Variants in MAP3K4 observed in about 807,000 individuals in gnomAD.
MAP3K4 encodes the protein mitogen-activated protein kinase kinase kinase 4, also known as MAP three kinase 1.
In MAP3K4, 67 loss-of-function variants were observed where a neutral mutation model predicts 185.6. The ratio of observed to expected loss-of-function variants is 0.36; its 90% CI spans 0.30 to 0.44. The LOEUF is 0.44. Among genes scored for constraint, MAP3K4 ranks in the 20% least tolerant of loss-of-function variants. MAP3K4 has a pLI of 1.00. For synonymous variants in MAP3K4, 702 were observed against 710.4 expected (o/e 0.99, Z 0.19); for missense variants, 1,551 against 1,995.1 (o/e 0.78, Z 4.24).
rs1783084399 is a variant in MAP3K4, at chr6:161,034,718, T to C, written c.343+269T>C. Among the ~76,000 whole-genome samples the C allele has an allele frequency of 6.6e-6, 1 of 152,162 alleles. No individual in the cohort carries two copies. Among genetic ancestry groups the C allele is most frequent in the Admixed American group, 6.5e-5 (1 of 15,268 alleles). ...AGAGGGCAAATGTTTCCCAGTGTAC[T>C]AATACAAGATGGCAACTGGTTACAT... On this transcript the variant is annotated intron_variant, in intron 2 of 26. Transcript: ENST00000392142. This position sits in a 1 kb window ranked among gnomAD's most constrained non-coding sequence, Gnocchi z 4.4.
At position 161,053,393 on chromosome 6, in the gene MAP3K4, A is replaced by G. The variant is rs1347783223; in HGVS notation, c.1707+3414A>G. 2.6e-5 allele frequency among the ~76,000 whole-genome samples: 4 copies of G among 152,232 alleles called. No individual in the cohort carries two copies. Among genetic ancestry groups the G allele is most frequent in the Non-Finnish European group, 4.4e-5 (3 of 68,034 alleles). On this transcript the variant is annotated intron_variant, in intron 3 of 26. Transcript: ENST00000392142. The surrounding 1 kb of genome is among the most constrained non-coding windows in gnomAD (Gnocchi z 4.2). The stretch of plus-strand genomic sequence containing the variant: ...ACAGATCCACATCTTATCAAATGGT[A>G]AAATGCTCTACAAATCAACCATAAA...
intron 11 of MAP3K4, among the ~76,000 whole-genome samples, chr6:161,090,880 C>T (rs1330986325): frequency 6.6e-6 from 1 of 152,184 alleles, no homozygotes. Flanking sequence ...CCACTTTTTC[C>T]TCCAAATTTT....
rs781400455 is a variant in MAP3K4 at position 161,022,381 on chromosome 6, A to T, written c.153-11878A>T. On this transcript the variant is annotated intron_variant, in intron 1 of 26. Coordinates refer to ENST00000392142, the MANE Select transcript of MAP3K4 (RefSeq NM_005922.4). The surrounding 1 kb of genome is among the most constrained non-coding windows in gnomAD (Gnocchi z 4.2). ...CCCTGGAGCTGAATTTAGATGCAGT[A>T]TCTTATCCAGAGTAATACCTTTATT... is the stretch of plus-strand genomic sequence containing the variant. Among the ~76,000 whole-genome samples, 2 of 152,352 alleles carry T rather than the reference A, an allele frequency of 1.3e-5. No homozygotes were observed. The highest frequency in any genetic ancestry group is 3.9e-4 in the East Asian group (2 of 5,194).
At position 161,091,590 on chromosome 6, in the gene MAP3K4, A is replaced by G. The variant is rs765176772; in HGVS notation, c.3135+50A>G. ...CGGTACAATTTAGTAATTGCTTGAT[A>G]ACTTACAGAAAGTTTTTGGAACCTT... On this transcript the variant is annotated intron_variant, in intron 12 of 26. Transcript: ENST00000392142. This position sits in a 1 kb window ranked among gnomAD's most constrained non-coding sequence, Gnocchi z 5.5. 1 of 1,541,032 alleles carries G rather than the reference A, an allele frequency of 6.5e-7. No individual in the cohort carries two copies. Among genetic ancestry groups the G allele is most frequent in the South Asian group, 1.2e-5 (1 of 82,960 alleles).
chr6:161,041,940 T>TTTTTTTTTTTTTTTTG (rs1562499604), intron 2 of MAP3K4, among the ~76,000 whole-genome samples: 1 of 135,280 alleles, frequency 7.4e-6, no homozygotes, highest in Admixed American at 7.7e-5. Flanking sequence ...TTTTTTTTTT[T>TTTTTTTTTTTTTTTTG]AGAGATGGGG....
intron 3 of MAP3K4, among the ~76,000 whole-genome samples, chr6:161,062,581 TCTAACAGTTTG>T (rs1784531713): frequency 6.6e-6 from 1 of 152,210 alleles, no homozygotes; most frequent in Non-Finnish European, 1.5e-5. Context: ...CTGCCATGTT[TCTAACAGTTTG>T]CAACATTTAT....
Position 161,082,736 on chromosome 6 carries a change from G to A in MAP3K4, c.2255+1698G>A, listed in dbSNP as rs892985896. On this transcript the variant is annotated intron_variant, in intron 6 of 26. Transcript: ENST00000392142. The surrounding 1 kb of genome is among the most constrained non-coding windows in gnomAD (Gnocchi z 4.2). ...AGGGTATATCCAGAATCTGACCTCTGCCTCTCAAGCACTCCACACTTCCAC... is the reference window on the plus strand; with the variant it reads ...AGGGTATATCCAGAATCTGACCTCTACCTCTCAAGCACTCCACACTTCCAC... 1.3e-5 allele frequency among the ~76,000 whole-genome samples: 2 copies of A among 152,032 alleles called. No individual in the cohort carries two copies. Among genetic ancestry groups the A allele is most frequent in the Admixed American group, 1.3e-4 (2 of 15,264 alleles).
rs1035089152 is a variant in MAP3K4, at chr6:161,050,052, G to A, written c.1707+73G>A. The stretch of plus-strand genomic sequence containing the variant: ...ATTTATTGCAAATTATAATGTTGGT[G>A]TTATGTACTTTCATATTCTAATATT... On this transcript the variant is annotated intron_variant, in intron 3 of 26. Coordinates refer to ENST00000392142, the MANE Select transcript of MAP3K4 (RefSeq NM_005922.4). 6 of 1,394,348 alleles carry A rather than the reference G, an allele frequency of 4.3e-6. No homozygotes were observed. In the African/African-American group the frequency reaches 5.8e-5, roughly 13 times the overall value. The allele number at this position is 1,394,348 out of a possible 1,614,324, so 86.4% of individuals were successfully genotyped here. A position where few individuals can be genotyped will look rare whatever the true frequency, so the allele number is the denominator to read the frequency against.
chr6:161,014,560 T>G (rs894580420), intron 1 of MAP3K4, among the ~76,000 whole-genome samples: 2 of 152,200 alleles, frequency 1.3e-5, no homozygotes, highest in Non-Finnish European at 1.5e-5. Flanking sequence ...AGTGAGATAG[T>G]CCCTTTTTTT....
At chr6:161,041,231 C>T (rs1783435126) in intron 2 of MAP3K4, among the ~76,000 whole-genome samples, 1 of 152,202 alleles carries the variant, frequency 6.6e-6, no homozygotes, top group African/African-American at 2.4e-5. Flanking sequence ...TTTCTCAGGA[C>T]CCAACCTGAC....
At chr6:161,089,015 TACAC>T (rs143422759) in intron 10 of MAP3K4, among the ~76,000 whole-genome samples, 3,553 of 151,962 alleles carry the variant, frequency 0.023, 148 homozygotes, top group African/African-American at 0.081. Context: ...CATGCACACA[TACAC>T]ACACACACTC....
chr6:160,991,794 T>C lies in MAP3K4; in HGVS notation c.-138T>C, dbSNP rs1433940256. 5 of 1,004,124 alleles carry C rather than the reference T, an allele frequency of 5.0e-6. No individual in the cohort carries two copies. The highest frequency in any genetic ancestry group is 6.7e-6 in the Non-Finnish European group (5 of 750,652). 62.2% of individuals were successfully genotyped at this position (1,004,124 alleles called of 1,614,324 possible). On this transcript the variant is annotated 5_prime_UTR_variant, in exon 1 of 27. The change abolishes an upstream ATG in the 5' untranslated region. Coordinates refer to ENST00000392142, the MANE Select transcript of MAP3K4 (RefSeq NM_005922.4). The surrounding 1 kb of genome is among the most constrained non-coding windows in gnomAD (Gnocchi z 5.7). ...GCTCGGCCGGTCGCCGTTTCCAAGA[T>C]GGCCGCGGCGCGCACGGCTCCTGCG...
At position 161,074,330 on chromosome 6, in the gene MAP3K4, A is replaced by C. The variant is rs1785074205; in HGVS notation, c.2097+718A>C. ...ACCTCCTGTCTTCTCACTTACACTG[A>C]ATGTGCCCTGTGCTTTTAACCTCTG... is the stretch of plus-strand genomic sequence containing the variant. On this transcript the variant is annotated intron_variant, in intron 5 of 26. Transcript: ENST00000392142. The surrounding 1 kb of genome is among the most constrained non-coding windows in gnomAD (Gnocchi z 5.0). 6.6e-6 allele frequency among the ~76,000 whole-genome samples: 1 copy of C among 152,224 alleles called. No homozygotes were observed. The highest frequency in any genetic ancestry group is 6.5e-5 in the Admixed American group (1 of 15,286).
chr6:161,028,627 A>G (rs1001094560), intron 1 of MAP3K4, among the ~76,000 whole-genome samples: 7 of 152,034 alleles, frequency 4.6e-5, no homozygotes, highest in African/African-American at 1.2e-4. Flanking sequence ...ATTGTTGGGG[A>G]GATAGCTTCT....
At chr6:161,079,394 A>G (rs919665527) in intron 5 of MAP3K4, among the ~76,000 whole-genome samples, 18 of 151,934 alleles carry the variant, frequency 1.2e-4, no homozygotes, top group Non-Finnish European at 2.1e-4. Context: ...CCTGACCAAC[A>G]TGGAGAAACC....
Position 161,051,243 on chromosome 6 carries a change from A to T in MAP3K4, c.1707+1264A>T. On this transcript the variant is annotated intron_variant, in intron 3 of 26. Transcript: ENST00000392142. The surrounding 1 kb of genome is among the most constrained non-coding windows in gnomAD (Gnocchi z 4.2). ...TATACTTGTTATTTTTATTTTTTTA[A>T]CTTCATTTTTTTTTTACACAGCCTG... 6.6e-6 allele frequency among the ~76,000 whole-genome samples: 1 copy of T among 152,090 alleles called. No homozygotes were observed. Among genetic ancestry groups the T allele is most frequent in the East Asian group, 1.9e-4 (1 of 5,202 alleles).
chr6:161,015,519 G>C (rs1423465208), intron 1 of MAP3K4, among the ~76,000 whole-genome samples: 3 of 152,082 alleles, frequency 2.0e-5, no homozygotes, highest in Non-Finnish European at 4.4e-5. Context: ...CTCGAGGCTG[G>C]GTAATTTATA....
rs117345259 is a variant in MAP3K4, at chr6:161,068,817, G to A, written c.1708-1791G>A. 5.1e-3 allele frequency among the ~76,000 whole-genome samples: 775 copies of A among 152,324 alleles called. 5 individuals carry two copies. Among genetic ancestry groups the A allele is most frequent in the Admixed American group, 0.021 (327 of 15,298 alleles). On this transcript the variant is annotated intron_variant, in intron 3 of 26. Transcript: ENST00000392142. ...TTAATTAGTGAAAGCCAAGCTGTCC[G>A]TTGGAAATGGGAAAACACAGAAACA...
chr6:161,049,621 A>T lies in MAP3K4; in HGVS notation c.1349A>T (p.Glu450Val). The stretch of plus-strand genomic sequence containing the variant: ...TATGAGGGTGATGACACAGAAGGAG[A>T]ATTAAAGGAGTTGGAAAGTAGTACG... The part of the protein sequence containing the change: ...PEYEGDDTEG[E>V]LKELESSTDE... The change falls in exon 3 of 27, where the codon GAA becomes GTA. Residue 450 changes from glutamate to valine, a missense_variant. Glu to Val is a moderately radical substitution (Grantham distance 121). Around this residue, in one of 16 missense-constraint regions of MAP3K4, gnomAD observed 126 missense variants for 112.8 expected, o/e 1.12. Transcript: ENST00000392142. The surrounding 1 kb of genome is among the most constrained non-coding windows in gnomAD (Gnocchi z 8.4). The T allele has an allele frequency of 1.2e-6, 2 of 1,614,102 alleles. No homozygotes were observed. Among genetic ancestry groups the T allele is most frequent in the Non-Finnish European group, 1.7e-6 (2 of 1,180,022 alleles).
Sources: gnomAD v4.1 joint callset for allele counts (sites outside exome capture counted in the v4.1 genomes callset) on GRCh38, gnomAD v4.1.1 for gene constraint, gnomAD v4.1.1 regional missense constraint, Gnocchi (gnomAD v3.1) non-coding constraint, MANE v1.5 for transcripts, NCBI Gene and HGNC (gene_info 2026-07-23, HGNC 2026-07-21) for gene names.